Variants in FAM178B observed in about 807,000 individuals in gnomAD.
FAM178B encodes the protein family with sequence similarity 178 member B.
In FAM178B, 82 loss-of-function variants were observed where a neutral mutation model predicts 91.7. The observed-to-expected ratio is 0.89, with a 90% CI of 0.75 to 1.07. The LOEUF (loss-of-function observed/expected upper bound fraction) is 1.07, where lower values mean the gene tolerates loss of function less well. FAM178B is among the 50% of genes least tolerant of loss of function. The pLI, the probability that FAM178B is intolerant of heterozygous loss-of-function variation, is 0.00. For missense variants in FAM178B, 769 were observed against 846.7 expected (o/e 0.91, Z 1.14); for synonymous variants, 368 against 359.4 (o/e 1.02, Z -0.27).
chr2:96,964,590 C>G (rs1268393036), intron 5 of FAM178B, among the ~76,000 whole-genome samples: 1 of 152,016 alleles, frequency 6.6e-6, no homozygotes, highest in Non-Finnish European at 1.5e-5. Context: ...GCATCGATTC[C>G]CCGCTCCCTT....
At chr2:96,880,202 C>T (rs1559045867) in intron 14 of FAM178B, among the ~76,000 whole-genome samples, 1 of 152,200 alleles carries the variant, frequency 6.6e-6, no homozygotes, top group Non-Finnish European at 1.5e-5. Context: ...CAGGAATTGA[C>T]TAAGCTGAAG....
chr2:96,891,487 T>C (rs1442472016), intron 14 of FAM178B, among the ~76,000 whole-genome samples: 4 of 152,114 alleles, frequency 2.6e-5, no homozygotes, highest in Non-Finnish European at 1.5e-5. Context: ...AGAAGGGAGT[T>C]CAGAGAAGGA....
chr2:96,964,023 T>C (rs892841885), intron 5 of FAM178B, among the ~76,000 whole-genome samples: 7 of 151,778 alleles, frequency 4.6e-5, no homozygotes, highest in Admixed American at 4.6e-4. Flanking sequence ...CTACTAAAAA[T>C]ATAAAAATTA....
In FAM178B at chr2:96,921,529, G is replaced by A. The variant is rs566467703; in HGVS notation, c.1413C>T (p.Leu471=). Residue 471 remains leucine (L), a synonymous_variant, in exon 11 of 17, where the codon CTC becomes CTT. Coordinates refer to ENST00000490605, the MANE Select transcript of FAM178B (RefSeq NM_001122646.3). ...CCAGGAGCAAGAGGAGAAGCTGCTG[G>A]AGGTCAACTTTGGGCAGCAGGCGGA... ...VGLRLLPKVD[L]QQLLLLLLEN... is the part of the protein sequence containing the mutation. 6 of 1,551,694 alleles carry A rather than the reference G, an allele frequency of 3.9e-6. No homozygotes were observed. In the South Asian group the frequency reaches 5.9e-5, roughly 15 times the overall value.
intron 14 of FAM178B, among the ~76,000 whole-genome samples, chr2:96,892,057 G>A (rs898507648): frequency 2.6e-5 from 4 of 152,198 alleles, no homozygotes; most frequent in Admixed American, 6.5e-5. Flanking sequence ...GGATGCCGCC[G>A]CTGTTGTTTT....
At chr2:96,931,584 G>A (rs2081540082) in intron 8 of FAM178B, among the ~76,000 whole-genome samples, 1 of 152,114 alleles carries the variant, frequency 6.6e-6, no homozygotes, top group Admixed American at 6.5e-5. Context: ...GGCAGAACAG[G>A]CACAAAGCAG....
intron 9 of FAM178B, among the ~76,000 whole-genome samples, chr2:96,924,569 G>A (rs1012343759): frequency 5.9e-5 from 9 of 152,212 alleles, no homozygotes; most frequent in African/African-American, 1.9e-4. Context: ...GGGCTTTGTG[G>A]ATGGCAGTCT....
intron 1 of FAM178B, among the ~76,000 whole-genome samples, chr2:96,985,729 C>T (rs1328737599): frequency 6.6e-6 from 1 of 152,094 alleles, no homozygotes; most frequent in Non-Finnish European, 1.5e-5. Flanking sequence ...TCCTTTTAAA[C>T]AAATATTTAA....
At chr2:96,934,436 G>T (rs541078551) in intron 8 of FAM178B, among the ~76,000 whole-genome samples, 28 of 152,274 alleles carry the variant, frequency 1.8e-4, no homozygotes, top group African/African-American at 6.5e-4. Context: ...GAAGACTGGG[G>T]CAAGGACCAG....
intron 1 of FAM178B, among the ~76,000 whole-genome samples, chr2:96,982,482 C>T (rs573737519): frequency 2.0e-5 from 3 of 152,102 alleles, no homozygotes; most frequent in East Asian, 1.9e-4. Flanking sequence ...AGGCTGGTCT[C>T]GAACTCCTGA....
At chr2:96,891,086 TA>T (rs1010872996) in intron 14 of FAM178B, among the ~76,000 whole-genome samples, 1 of 152,236 alleles carries the variant, frequency 6.6e-6, no homozygotes, top group African/African-American at 2.4e-5. Flanking sequence ...CCTGCTCAGC[TA>T]GGACTGTGGT....
intron 8 of FAM178B, among the ~76,000 whole-genome samples, chr2:96,944,565 C>A (rs1333728056): frequency 1.3e-5 from 2 of 152,152 alleles, no homozygotes; most frequent in African/African-American, 4.8e-5. Flanking sequence ...ATTCTGCAAC[C>A]CGGAGAGGAA....
chr2:96,935,020 A>G (rs2081601239), intron 8 of FAM178B, among the ~76,000 whole-genome samples: 1 of 152,056 alleles, frequency 6.6e-6, no homozygotes, highest in Non-Finnish European at 1.5e-5. Flanking sequence ...TCTGTAACTC[A>G]CACCACTGCC....
rs557825899 is a variant in FAM178B, at chr2:96,928,981, C to A, written c.1193+225G>T. 2.4e-3 allele frequency among the ~76,000 whole-genome samples: 362 copies of A among 152,094 alleles called. 12 individuals are homozygous for A. In the East Asian group the frequency reaches 0.039, roughly 17 times the overall value. Reference sequence around the variant, plus strand: ...CCTGGACAACGTAGGGAGACCCCCCCCCGCCACCTCTACAAAAAATTAAAA... The same window carrying A: ...CCTGGACAACGTAGGGAGACCCCCCACCGCCACCTCTACAAAAAATTAAAA... On this transcript the variant is annotated intron_variant, in intron 9 of 16. Coordinates refer to ENST00000490605, the MANE Select transcript of FAM178B (RefSeq NM_001122646.3).
At chr2:96,886,449 CACTTGCCT>C (rs1240218837) in intron 14 of FAM178B, among the ~76,000 whole-genome samples, 4 of 152,168 alleles carry the variant, frequency 2.6e-5, no homozygotes, top group African/African-American at 9.7e-5. Context: ...GAAGCTGAGT[CACTTGCCT>C]AGGGCTGCTG....
intron 8 of FAM178B, among the ~76,000 whole-genome samples, chr2:96,938,691 C>G: frequency 6.6e-6 from 1 of 152,376 alleles, no homozygotes; most frequent in East Asian, 1.9e-4. Flanking sequence ...ATAACTAAAA[C>G]TAAAAGCAAA....
chr2:96,884,901 G>C (rs2080478755), intron 14 of FAM178B, among the ~76,000 whole-genome samples: 1 of 152,252 alleles, frequency 6.6e-6, no homozygotes, highest in South Asian at 2.1e-4. Context: ...AAGCCCTAGT[G>C]AGGAAGAAAT....
At chr2:96,936,337 A>G (rs749247601) in intron 8 of FAM178B, among the ~76,000 whole-genome samples, 32 of 150,174 alleles carry the variant, frequency 2.1e-4, no homozygotes, top group Admixed American at 5.3e-4. Flanking sequence ...GAGTAGCTGG[A>G]ACTACAGGCG....
At chr2:96,965,465 C>A (rs1009465642) in intron 5 of FAM178B, among the ~76,000 whole-genome samples, 2 of 151,396 alleles carry the variant, frequency 1.3e-5, no homozygotes, top group African/African-American at 2.4e-5. Flanking sequence ...AGTCTCCCCC[C>A]ATTTTTTTTT....
Sources: gnomAD v4.1 joint callset for allele counts (sites outside exome capture counted in the v4.1 genomes callset) on GRCh38, gnomAD v4.1.1 for gene constraint, MANE v1.5 for transcripts, NCBI Gene and HGNC (gene_info 2026-07-23, HGNC 2026-07-21) for gene names.